Variants in CES4A observed in about 807,000 individuals in gnomAD.
The protein encoded by CES4A is carboxylesterase 4A, also known as carboxylesterase 6.
A neutral mutation model predicts 65.4 loss-of-function variants in CES4A; 48 were observed. That is an observed-to-expected ratio of 0.73 (90% CI 0.58 to 0.93). The LOEUF (loss-of-function observed/expected upper bound fraction) is 0.93, where lower values mean the gene tolerates loss of function less well. Ranked by LOEUF, CES4A falls within the 40% of genes least tolerant of loss-of-function variation. The probability of loss-of-function intolerance (pLI) is 0.00; values close to 1 mark genes in which losing one functional copy is unlikely to be tolerated. For missense variants in CES4A, 685 were observed against 728.5 expected (o/e 0.94, Z 0.69); for synonymous variants, 247 against 281.8 (o/e 0.88, Z 1.24).
chr16:67,006,582 C>T, intron 12 of CES4A, 63 bp downstream of exon 12: 1 of 1,565,352 alleles, frequency 6.4e-7, no homozygotes, highest in Non-Finnish European at 8.6e-7. Flanking sequence ...GATGCAGACC[C>T]ACCCCTCCAT....
intron 10 of CES4A, 23 bp downstream of exon 10, chr16:67,004,896 G>T (rs1218772288): frequency 6.6e-7 from 1 of 1,526,328 alleles, no homozygotes; most frequent in Non-Finnish European, 8.8e-7. Context: ...GCTGGCAGGG[G>T]TGCTCAGTTC....
chr16:67,003,751 G>A lies in CES4A; in HGVS notation c.939+198G>A, dbSNP rs1302572523. Among the ~76,000 whole-genome samples the A allele has an allele frequency of 2.0e-5, 3 of 152,166 alleles. No homozygotes were observed. The highest frequency in any genetic ancestry group is 4.1e-4 in the South Asian group (2 of 4,832). ...AGGTGATAGGTGAATAGCAAGGAAT[G>A]GAGAGGGTAAAGGGGTTGGACATTT... is the stretch of plus-strand genomic sequence containing the variant. On this transcript the variant is annotated intron_variant, in intron 8 of 13. Transcript: ENST00000648724. The surrounding 1 kb of genome is among the most constrained non-coding windows in gnomAD (Gnocchi z 4.2).
Position 67,001,399 on chromosome 16 carries a change from G to A in CES4A, c.628G>A (p.Gly210Arg). ...GCAGGAGAACATCGCAGCCTTCGGG[G>A]GAGACCCAGGAAATGTGACCCTGTT... Residue 210 changes from glycine (G) to arginine (R), a missense_variant, in exon 5 of 14, where the codon GGA (glycine) becomes AGA (arginine). Gly to Arg is a moderately radical substitution (Grantham distance 125). Transcript: ENST00000648724. The surrounding 1 kb of genome is among the most constrained non-coding windows in gnomAD (Gnocchi z 4.1). The A allele has an allele frequency of 6.2e-7, 1 of 1,613,742 alleles. No homozygotes were observed. Among genetic ancestry groups the A allele is most frequent in the Non-Finnish European group, 8.5e-7 (1 of 1,179,894 alleles).
At chr16:67,008,929 A>G in intron 13 of CES4A, 45 bp from the exon 14 acceptor site, 1 of 1,578,700 alleles carries the variant, frequency 6.3e-7, no homozygotes, top group Non-Finnish European at 8.6e-7. Flanking sequence ...AAGAAGCAGG[A>G]TGAAAAGGAA....
At chr16:67,009,320 A>G (rs2145683767) in exon 14 of CES4A, 1 of 584,562 alleles carries the variant, frequency 1.7e-6, no homozygotes, top group East Asian at 2.9e-5. Context: ...TGGGACCTGC[A>G]CTGCCCTTTC....
At position 67,000,671 on chromosome 16, in the gene CES4A, G is replaced by A. The variant is rs1965225597; in HGVS notation, c.294G>A (p.Ser98=). The change falls in exon 3 of 14, where the codon TCG becomes TCA. Residue 98 remains serine, a synonymous_variant. Transcript: ENST00000648724. The surrounding 1 kb of genome is among the most constrained non-coding windows in gnomAD (Gnocchi z 4.2). ...AGGAGTCCTGGGGCCAGCTGGCCTCGATGTACGTCAGCACGCGGGAACGGT... is the reference window on the plus strand; with the variant it reads ...AGGAGTCCTGGGGCCAGCTGGCCTCAATGTACGTCAGCACGCGGGAACGGT... 1 of 1,550,062 alleles carries A rather than the reference G, an allele frequency of 6.5e-7. No homozygotes were observed. Among genetic ancestry groups the A allele is most frequent in the Non-Finnish European group, 8.7e-7 (1 of 1,147,030 alleles).
At position 67,001,057 on chromosome 16, in the gene CES4A, AGGGGCGGGGCCT is replaced by A. The variant is rs1264197390; in HGVS notation, c.536+77_536+88del. On this transcript the variant is annotated intron_variant, in intron 4 of 13. Transcript: ENST00000648724. The surrounding 1 kb of genome is among the most constrained non-coding windows in gnomAD (Gnocchi z 4.1). ...AGCGGCGGGGACTGGGTGGGAAGGGAGGGGCGGGGCCTGGGGCGGGGATGGGGGGGGTGGGGC... is the reference window on the plus strand; with the variant it reads ...AGCGGCGGGGACTGGGTGGGAAGGGAGGGGCGGGGATGGGGGGGGTGGGGC... 3 of 177,436 alleles carry A rather than the reference AGGGGCGGGGCCT, an allele frequency of 1.7e-5. No individual in the cohort carries two copies. The highest frequency in any genetic ancestry group is 2.0e-4 in the African/African-American group (1 of 5,036). 11.0% of individuals were successfully genotyped at this position (177,436 alleles called of 1,614,324 possible).
chr16:66,999,338 G>A (rs1264201257), intron 2 of CES4A, among the ~76,000 whole-genome samples: 1 of 152,208 alleles, frequency 6.6e-6, no homozygotes, highest in Non-Finnish European at 1.5e-5. Context: ...AAGGTGAGGT[G>A]GCCGGAGAGC....
In CES4A at chr16:67,000,516, T is replaced by TGCGCACGCACAC. The variant is rs1721344233; in HGVS notation, c.261-119_261-108dup. ...TCCTGTACACGCACACGCACGCACATGCGCACGCACACGCACGCGCACAGA... is the reference window on the plus strand; with the variant it reads ...TCCTGTACACGCACACGCACGCACATGCGCACGCACACGCGCACGCACACGCACGCGCACAGA... On this transcript the variant is annotated intron_variant, in intron 2 of 13. Coordinates refer to ENST00000648724, the Ensembl canonical transcript of CES4A. This position sits in a 1 kb window ranked among gnomAD's most constrained non-coding sequence, Gnocchi z 4.2. 4.8e-6 allele frequency: 7 copies of TGCGCACGCACAC among 1,450,152 alleles called. No individual in the cohort carries two copies. The Admixed American group carries it at 1.0e-4, about 21-fold the overall frequency. 89.8% of individuals were successfully genotyped at this position (1,450,152 alleles called of 1,614,324 possible).
chr16:67,010,394 C>A (rs1364154566), downstream of CES4A, among the ~76,000 whole-genome samples: 1 of 150,904 alleles, frequency 6.6e-6, no homozygotes, highest in Non-Finnish European at 1.5e-5. Context: ...GTAAAATACA[C>A]ACGACAAATT....
At position 67,001,375 on chromosome 16, in the gene CES4A, CAGG is replaced by C; in HGVS notation, c.607_609del (p.Glu203del). On this transcript the variant is annotated inframe_deletion, in exon 5 of 14. Coordinates refer to ENST00000648724, the Ensembl canonical transcript of CES4A. The surrounding 1 kb of genome is among the most constrained non-coding windows in gnomAD (Gnocchi z 4.1). ...CCAGATGGCGGCTCTGCGCTGGGTGCAGGAGAACATCGCAGCCTTCGGGGGAGA... is the reference window on the plus strand; with the variant it reads ...CCAGATGGCGGCTCTGCGCTGGGTGCAGAACATCGCAGCCTTCGGGGGAGA... 1.2e-6 allele frequency: 2 copies of C among 1,613,648 alleles called. No homozygotes were observed. The highest frequency in any genetic ancestry group is 8.5e-7 in the Non-Finnish European group (1 of 1,179,912).
rs1023169855 is a variant in CES4A, at chr16:67,000,585, C to T, written c.261-53C>T. ...TTGGGTTCCGTCTTCTCACTGCGGACCCTGGATTGAAACGATCTCCCCGCG... is the reference window on the plus strand; with the variant it reads ...TTGGGTTCCGTCTTCTCACTGCGGATCCTGGATTGAAACGATCTCCCCGCG... On this transcript the variant is annotated intron_variant, in intron 2 of 13. Transcript: ENST00000648724. The surrounding 1 kb of genome is among the most constrained non-coding windows in gnomAD (Gnocchi z 4.2). The T allele has an allele frequency of 6.6e-7, 1 of 1,515,878 alleles. No homozygotes were observed. The highest frequency in any genetic ancestry group is 1.4e-5 in the African/African-American group (1 of 71,872). The allele number at this position is 1,515,878 out of a possible 1,614,324, so 93.9% of individuals were successfully genotyped here.
exon 14 of CES4A, chr16:67,009,209 C>A: frequency 1.4e-6 from 2 of 1,457,594 alleles, no homozygotes; most frequent in Admixed American, 2.1e-5. Flanking sequence ...GGGAGACTAG[C>A]CATGGACATA....
At chr16:66,999,003 T>C (rs565843969) in intron 2 of CES4A, among the ~76,000 whole-genome samples, 3 of 152,326 alleles carry the variant, frequency 2.0e-5, no homozygotes, top group Admixed American at 1.3e-4. Flanking sequence ...ATGGCTCTGA[T>C]GGTGGGATGG....
rs555482012 is a variant in CES4A, at chr16:66,999,701, T to C, written c.261-937T>C. ...CCTGTAGTCCCAGCTACTTGCAAGA[T>C]TGAGGTAGGAGAATTGCTTGAACCT... On this transcript the variant is annotated intron_variant, in intron 2 of 13. Coordinates refer to ENST00000648724, the Ensembl canonical transcript of CES4A. Among the ~76,000 whole-genome samples the C allele has an allele frequency of 6.6e-5, 10 of 152,192 alleles. No individual in the cohort carries two copies. The South Asian group carries it at 2.1e-3, about 32-fold the overall frequency.
intron 2 of CES4A, 71 bp downstream of exon 2, chr16:66,995,900 C>G: frequency 7.1e-7 from 1 of 1,408,520 alleles, no homozygotes; most frequent in South Asian, 1.2e-5. Flanking sequence ...GGGCTTTGCA[C>G]AGCTCACTGA....
exon 2 of CES4A, chr16:66,995,641 C>T (rs762151263): frequency 1.9e-6 from 3 of 1,614,096 alleles, no homozygotes; most frequent in Admixed American, 1.7e-5. Flanking sequence ...CCTTGCACAC[C>T]AAGAGGCCTC....
chr16:66,996,032 T>C (rs1002068090), intron 2 of CES4A: 2 of 684,508 alleles, frequency 2.9e-6, no homozygotes, highest in Non-Finnish European at 5.3e-6. Flanking sequence ...CTGCTGTTGG[T>C]TTTTGTTTTT....
chr16:67,005,187 C>G, intron 10 of CES4A, 53 bp from the exon 11 acceptor site: 1 of 1,592,852 alleles, frequency 6.3e-7, no homozygotes, highest in Non-Finnish European at 8.6e-7. Flanking sequence ...GGTGGGCCCA[C>G]CTCTGGCCCA....
Sources: gnomAD v4.1 joint callset for allele counts (sites outside exome capture counted in the v4.1 genomes callset) on GRCh38, gnomAD v4.1.1 for gene constraint, Gnocchi (gnomAD v3.1) non-coding constraint, MANE v1.5 for transcripts, NCBI Gene and HGNC (gene_info 2026-07-23, HGNC 2026-07-21) for gene names.